ELMO1: variants seen among roughly 807,000 people sequenced by gnomAD.
ELMO1 encodes engulfment and cell motility 1, also known as engulfment and cell motility protein 1.
A neutral mutation model predicts 98.9 loss-of-function variants in ELMO1; 26 were observed. That is an observed-to-expected ratio of 0.26 (90% confidence interval 0.19 to 0.36). The LOEUF (loss-of-function observed/expected upper bound fraction) is 0.36, where lower values mean the gene tolerates loss of function less well. Ranked by LOEUF, ELMO1 falls within the 10% of genes least tolerant of loss-of-function variation. The pLI, the probability that ELMO1 is intolerant of heterozygous loss-of-function variation, is 1.00. For missense variants in ELMO1, 627 were observed against 935.2 expected, an observed-to-expected ratio of 0.67 and a Z score of 4.30; for synonymous variants, 346 against 346.0, an observed-to-expected ratio of 1.00 and a Z score of 0.00.
At chr7:36,880,195 G>A (rs1449354915) in intron 18 of ELMO1, among the ~76,000 whole-genome samples, 3 of 152,212 alleles carry the variant, frequency 2.0e-5, no homozygotes, top group Non-Finnish European at 1.5e-5. Context: ...GGCTGGGAAG[G>A]AAGACAGTGA....
chr7:36,860,502 G>C (rs1218211673), intron 21 of ELMO1, among the ~76,000 whole-genome samples: 1 of 152,208 alleles, frequency 6.6e-6, no homozygotes, highest in Non-Finnish European at 1.5e-5. Context: ...AGAAGTGGCA[G>C]ATATGAATAA....
At chr7:37,278,497 AG>A (rs1796971401) in intron 4 of ELMO1, among the ~76,000 whole-genome samples, 1 of 151,962 alleles carries the variant, frequency 6.6e-6, no homozygotes, top group South Asian at 2.1e-4. Flanking sequence ...CAACAGAGCA[AG>A]ACCCTGTCTC....
At chr7:37,029,734 G>A (rs999490230) in intron 15 of ELMO1, among the ~76,000 whole-genome samples, 18 of 152,218 alleles carry the variant, frequency 1.2e-4, no homozygotes, top group Admixed American at 1.1e-3. Context: ...CCACAGCATC[G>A]TAAGCTAATT....
At chr7:37,409,657 T>C (rs1344115640) in intron 1 of ELMO1, among the ~76,000 whole-genome samples, 1 of 152,222 alleles carries the variant, frequency 6.6e-6, no homozygotes, top group African/African-American at 2.4e-5. Flanking sequence ...CACGGGCTGT[T>C]TGGGCTTCTT....
At chr7:37,174,704 G>A (rs1217073801) in intron 13 of ELMO1, among the ~76,000 whole-genome samples, 2 of 152,062 alleles carry the variant, frequency 1.3e-5, no homozygotes, top group South Asian at 2.1e-4. Flanking sequence ...TTCATTGAAC[G>A]GCACTCACTT....
At chr7:37,206,158 C>T (rs781343358) in intron 13 of ELMO1, among the ~76,000 whole-genome samples, 5 of 152,128 alleles carry the variant, frequency 3.3e-5, no homozygotes, top group East Asian at 1.9e-4. Flanking sequence ...ATCATAAGAT[C>T]GTAATAATAG....
At chr7:36,942,283 T>A (rs574697525) in intron 16 of ELMO1, among the ~76,000 whole-genome samples, 8 of 152,298 alleles carry the variant, frequency 5.3e-5, no homozygotes, top group African/African-American at 1.9e-4. Context: ...CATCCCCCTC[T>A]CTGCCATATC....
At chr7:37,418,536 G>A (rs557225642) in intron 1 of ELMO1, among the ~76,000 whole-genome samples, 117 of 152,296 alleles carry the variant, frequency 7.7e-4, no homozygotes, top group Non-Finnish European at 1.5e-3. Context: ...CCAGGCCCCT[G>A]GGGTGAGCAA....
At chr7:37,044,153 G>C (rs901750249) in intron 15 of ELMO1, among the ~76,000 whole-genome samples, 9 of 152,116 alleles carry the variant, frequency 5.9e-5, no homozygotes, top group African/African-American at 2.2e-4. Flanking sequence ...GCTCCGGCTA[G>C]GTGTGAAAAT....
chr7:37,303,401 TAC>T (rs1380712994), intron 4 of ELMO1, among the ~76,000 whole-genome samples: 1 of 152,182 alleles, frequency 6.6e-6, no homozygotes, highest in East Asian at 1.9e-4. Context: ...CACAAAAATA[TAC>T]ACAGTGTATA....
intron 13 of ELMO1, among the ~76,000 whole-genome samples, chr7:37,182,951 T>C (rs971525648): frequency 1.3e-5 from 2 of 152,206 alleles, no homozygotes; most frequent in African/African-American, 4.8e-5. Context: ...TAAGGATGGC[T>C]CATACCTTTG....
intron 15 of ELMO1, among the ~76,000 whole-genome samples, chr7:37,044,871 A>G (rs1795713032): frequency 6.6e-6 from 1 of 152,184 alleles, no homozygotes; most frequent in East Asian, 1.9e-4. Flanking sequence ...TGAATTAGAG[A>G]AGTAATGTTA....
intron 8 of ELMO1, among the ~76,000 whole-genome samples, chr7:37,230,901 G>A (rs1794134686): frequency 6.6e-6 from 1 of 152,110 alleles, no homozygotes; most frequent in Admixed American, 6.6e-5. Context: ...ACCACCAAAG[G>A]TGGCAGGAAA....
At chr7:37,193,492 T>C (rs1218787708) in intron 13 of ELMO1, among the ~76,000 whole-genome samples, 2 of 152,138 alleles carry the variant, frequency 1.3e-5, no homozygotes, top group African/African-American at 4.8e-5. Flanking sequence ...AAGGAGGTGC[T>C]CTGCCAGGGG....
intron 1 of ELMO1, among the ~76,000 whole-genome samples, chr7:37,445,759 A>G (rs984649638): frequency 5.3e-5 from 8 of 152,202 alleles, no homozygotes; most frequent in Non-Finnish European, 8.8e-5. Flanking sequence ...CATCTGCCAC[A>G]CAGCCTCCCT....
chr7:37,432,055 A>G (rs886859121), intron 1 of ELMO1, among the ~76,000 whole-genome samples: 2 of 152,012 alleles, frequency 1.3e-5, no homozygotes, highest in Non-Finnish European at 2.9e-5. Flanking sequence ...CTAATTTTGT[A>G]TTTTTAGTAG....
At chr7:37,180,862 C>A (rs1054289549) in intron 13 of ELMO1, among the ~76,000 whole-genome samples, 2 of 151,736 alleles carry the variant, frequency 1.3e-5, no homozygotes, top group Non-Finnish European at 2.9e-5. Flanking sequence ...AGAGAGAAAG[C>A]AAACACCAGG....
At chr7:37,025,653 A>G (rs78322320) in intron 15 of ELMO1, among the ~76,000 whole-genome samples, 2,630 of 152,094 alleles carry the variant, frequency 0.017, 81 homozygotes, top group African/African-American at 0.06. Context: ...ACTGGGAGTT[A>G]CATGATCAGT....
chr7:36,880,709 T>C (rs774473435), intron 18 of ELMO1, among the ~76,000 whole-genome samples: 4 of 152,130 alleles, frequency 2.6e-5, no homozygotes, highest in Admixed American at 1.3e-4. Context: ...GTCTGGGAAG[T>C]AGGAACTGGG....
Sources: allele counts gnomAD v4.1 joint callset (sites outside exome capture counted in the v4.1 genomes callset), GRCh38; gene constraint gnomAD v4.1.1; transcripts MANE v1.5; gene names NCBI Gene and HGNC (gene_info 2026-07-23, HGNC 2026-07-21).